Variants in ATXN7 observed in about 807,000 individuals in gnomAD.
ATXN7 encodes ataxin 7.
Under a neutral mutation model 70.5 loss-of-function variants are expected in ATXN7, and 12 were observed. That is an observed-to-expected ratio of 0.17 (90% CI 0.11 to 0.28). ATXN7 has a LOEUF of 0.28. ATXN7 is among the 10% of genes least tolerant of loss of function. ATXN7 has a pLI of 1.00. For synonymous variants in ATXN7, 498 were observed against 448.7 expected (o/e 1.11, Z -1.39); for missense variants, 1,256 against 1,131.7 (o/e 1.11, Z -1.58).
At chr3:63,994,516 T>C (rs1203047633) in intron 11 of ATXN7, among the ~76,000 whole-genome samples, 1 of 152,228 alleles carries the variant, frequency 6.6e-6, no homozygotes, top group African/African-American at 2.4e-5. Context: ...ATTACAGTTG[T>C]GAGCCACTGC....
chr3:63,889,469 A>G (rs1184914699), intron 1 of ATXN7, among the ~76,000 whole-genome samples: 2 of 152,238 alleles, frequency 1.3e-5, no homozygotes, highest in African/African-American at 4.8e-5. Flanking sequence ...TGTCTGCATC[A>G]TGTTAAGCTT....
At position 63,999,460 on chromosome 3, in the gene ATXN7, G is replaced by A. The variant is rs758328066; in HGVS notation, c.2672G>A (p.Arg891His). 3 of 1,613,760 alleles carry A rather than the reference G, an allele frequency of 1.9e-6. No individual in the cohort carries two copies. Among genetic ancestry groups the A allele is most frequent in the East Asian group, 2.2e-5 (1 of 44,872 alleles). The change falls in exon 13 of 13, where the codon CGT (arginine) becomes CAT (histidine). Residue 891 changes from arginine to histidine, a missense_variant. Arg to His is a conservative substitution (Grantham distance 29). Coordinates refer to ENST00000674280, the MANE Select transcript of ATXN7 (RefSeq NM_001377405.1). ...CCTCTTTTTTGAAAGCCAAAGGCAC[G>A]TCCCTGACAGCTGAAAATAGCACGG... ...NSSLLHQPKA[R>H]P
chr3:63,885,818 C>T (rs1181145108), intron 1 of ATXN7, among the ~76,000 whole-genome samples: 2 of 152,048 alleles, frequency 1.3e-5, no homozygotes, highest in Non-Finnish European at 2.9e-5. Context: ...GGAGTTCAAC[C>T]TAGCCGGGCC....
At chr3:63,863,474 C>T (rs1044266657), upstream of ATXN7, 2 of 1,162,678 alleles carry the variant, frequency 1.7e-6, no homozygotes, top group African/African-American at 1.6e-5. Flanking sequence ...CACGTGTGTT[C>T]CCAGCCCACC....
Position 63,982,253 on chromosome 3 carries a change from G to C in ATXN7, c.820G>C (p.Val274Leu). The C allele has an allele frequency of 6.2e-7, 1 of 1,614,120 alleles. No individual in the cohort carries two copies. Among genetic ancestry groups the C allele is most frequent in the Non-Finnish European group, 8.5e-7 (1 of 1,180,012 alleles). Reference sequence around the variant, plus strand: ...GGATGGCACACTACTGAAATCTGCGGTGGGGCCAACCTGTCCTGCTACTGT... The same window carrying C: ...GGATGGCACACTACTGAAATCTGCGCTGGGGCCAACCTGTCCTGCTACTGT... Reference protein sequence around the residue: ...KMDGTLLKSAVGPTCPATVSS... With the variant: ...KMDGTLLKSALGPTCPATVSS... The change falls in exon 7 of 13, where the codon GTG becomes CTG. Residue 274 changes from valine to leucine, a missense_variant. Coordinates refer to ENST00000674280, the MANE Select transcript of ATXN7 (RefSeq NM_001377405.1).
intron 4 of ATXN7, among the ~76,000 whole-genome samples, chr3:63,917,679 G>GT (rs1270773572): frequency 1.3e-5 from 2 of 152,194 alleles, no homozygotes; most frequent in Non-Finnish European, 2.9e-5. Flanking sequence ...ATGGCTCCTT[G>GT]TTAAGAGAGT....
At chr3:63,877,380 T>C (rs935194129) in intron 1 of ATXN7, among the ~76,000 whole-genome samples, 8 of 152,216 alleles carry the variant, frequency 5.3e-5, no homozygotes, top group Non-Finnish European at 8.8e-5. Context: ...AGTTCTCCAA[T>C]AAAATATACT....
At chr3:63,869,495 C>G (rs1005862660) in intron 1 of ATXN7, among the ~76,000 whole-genome samples, 6 of 152,116 alleles carry the variant, frequency 3.9e-5, no homozygotes, top group Non-Finnish European at 7.3e-5. Flanking sequence ...ATGATCTTGG[C>G]TCACTGCAAC....
chr3:63,969,548 T>C (rs2075279077), intron 5 of ATXN7, among the ~76,000 whole-genome samples: 1 of 152,234 alleles, frequency 6.6e-6, no homozygotes, highest in South Asian at 2.1e-4. Flanking sequence ...GTTCCTTTTA[T>C]TCTCTCTCTT....
At chr3:63,951,980 A>C (rs2074962093) in intron 4 of ATXN7, among the ~76,000 whole-genome samples, 1 of 152,160 alleles carries the variant, frequency 6.6e-6, no homozygotes, top group Non-Finnish European at 1.5e-5. Context: ...GTTCCATAGA[A>C]CTCAGGAACC....
chr3:63,969,477 AAG>A (rs1354012018), intron 5 of ATXN7, among the ~76,000 whole-genome samples: 1 of 152,232 alleles, frequency 6.6e-6, no homozygotes, highest in Non-Finnish European at 1.5e-5. Context: ...TCTATTTTAA[AAG>A]ACAAAACAGA....
Position 63,979,984 on chromosome 3 carries a change from C to T in ATXN7, c.569C>T (p.Pro190Leu). The T allele has an allele frequency of 1.2e-6, 2 of 1,614,152 alleles. No individual in the cohort carries two copies. The highest frequency in any genetic ancestry group is 1.7e-6 in the Non-Finnish European group (2 of 1,180,030). ...CCCACTTCAGTATTTTCCTTCTTCC[C>T]TTCTCTGTCCAAAAGCAAAGGAGGC... ...VPPTSVFSFF[P>L]SLSKSKGGSA... is the part of the protein sequence containing the mutation. Residue 190 changes from proline (P) to leucine (L), a missense_variant, in exon 6 of 13, where the codon CCT (proline) becomes CTT (leucine). Physicochemically the swap from Pro to Leu is moderately conservative, Grantham distance 98. Transcript: ENST00000674280.
At chr3:63,863,637 G>C (rs1702296976), upstream of ATXN7, 2 of 1,208,270 alleles carry the variant, frequency 1.7e-6, no homozygotes, top group African/African-American at 1.6e-5. Flanking sequence ...GGGAGAGGTC[G>C]GGAAGGCCGA....
At position 63,988,105 on chromosome 3, in the gene ATXN7, G is replaced by T. The variant is rs556049203; in HGVS notation, c.1142G>T (p.Arg381Leu). The T allele has an allele frequency of 3.7e-6, 6 of 1,614,028 alleles. No homozygotes were observed. Among genetic ancestry groups the T allele is most frequent in the Middle Eastern group, 1.6e-4 (1 of 6,062 alleles). Residue 381 changes from arginine to leucine, a missense_variant, in exon 9 of 13, where the codon CGA (arginine) becomes CTA (leucine). Arg to Leu is a moderately radical substitution (Grantham distance 102, BLOSUM62 -2). Coordinates refer to ENST00000674280, the MANE Select transcript of ATXN7 (RefSeq NM_001377405.1). The part of the protein sequence containing the change: ...QRRAVQGRRK[R>L]FDVLLAEHKN... Reference sequence around the variant, plus strand: ...AGGGCTGTCCAGGGTAGAAGAAAACGATTTGATGTGTTATTAGCCGAGCAC... The same window carrying T: ...AGGGCTGTCCAGGGTAGAAGAAAACTATTTGATGTGTTATTAGCCGAGCAC...
intron 5 of ATXN7, among the ~76,000 whole-genome samples, chr3:63,960,144 TGAAA>T (rs2106686748): frequency 6.6e-6 from 1 of 152,270 alleles, no homozygotes; most frequent in East Asian, 1.9e-4. Context: ...AACTCAGTGA[TGAAA>T]GAGAGCCAGC....
chr3:63,990,746 A>G lies in ATXN7; in HGVS notation c.1569A>G (p.Thr523=), dbSNP rs1177164939. Residue 523 remains threonine (T), a synonymous_variant, in exon 11 of 13, where the codon ACA becomes ACG. Transcript: ENST00000674280. The part of the protein sequence containing the change: ...GHHPQPASFC[T]FGSRQIGRGY... ...TATGTTTTCTCTTGCAGTTTTGCACATTTGGGAGCCGGCAGATAGGAAGAG... is the reference window on the plus strand; with the variant it reads ...TATGTTTTCTCTTGCAGTTTTGCACGTTTGGGAGCCGGCAGATAGGAAGAG... 4 of 1,614,166 alleles carry G rather than the reference A, an allele frequency of 2.5e-6. No homozygotes were observed. The highest frequency in any genetic ancestry group is 1.3e-5 in the African/African-American group (1 of 75,046).
chr3:63,887,139 C>T (rs913051545), intron 1 of ATXN7, among the ~76,000 whole-genome samples: 1 of 152,150 alleles, frequency 6.6e-6, no homozygotes, highest in African/African-American at 2.4e-5. Context: ...GATTCAGAGT[C>T]ATGACGAACT....
At position 64,000,538 on chromosome 3, in the gene ATXN7, T is replaced by A. The variant is rs1214246071; in HGVS notation, c.*1071T>A. 2 of 152,462 alleles carry A rather than the reference T, an allele frequency of 1.3e-5. No homozygotes were observed. Among genetic ancestry groups the A allele is most frequent in the Non-Finnish European group, 2.9e-5 (2 of 68,040 alleles). 9.4% of individuals were successfully genotyped at this position (152,462 alleles called of 1,614,324 possible). On this transcript the variant is annotated 3_prime_UTR_variant, in exon 13 of 13. Coordinates refer to ENST00000674280, the MANE Select transcript of ATXN7 (RefSeq NM_001377405.1). ...CTTTGGATACTGTCCTGGGACTAAG[T>A]GTAGATTTCTGCTTCAAGCACTTCT... is the stretch of plus-strand genomic sequence containing the variant.
At chr3:63,960,179 C>CA (rs2075104468) in intron 5 of ATXN7, among the ~76,000 whole-genome samples, 1 of 152,188 alleles carries the variant, frequency 6.6e-6, no homozygotes, top group Non-Finnish European at 1.5e-5. Context: ...ATGTAGAGGA[C>CA]AAGTGCTTCA....
Sources: allele counts gnomAD v4.1 joint callset (sites outside exome capture counted in the v4.1 genomes callset), GRCh38; gene constraint gnomAD v4.1.1; transcripts MANE v1.5; gene names NCBI Gene and HGNC (gene_info 2026-07-23, HGNC 2026-07-21).